Variants in SMYD4 observed in about 807,000 individuals in gnomAD.
SMYD4 encodes SET and MYND domain containing 4.
SMYD4 carries 68 observed loss-of-function variants against 72.8 expected under a neutral mutation model. The observed-to-expected ratio is 0.93, with a 90% CI of 0.77 to 1.14. The LOEUF (loss-of-function observed/expected upper bound fraction) is 1.14, where lower values mean the gene tolerates loss of function less well. SMYD4 is among the 50% of genes most tolerant of loss of function. The pLI is 0.00. For missense variants in SMYD4, 984 were observed against 1,003.7 expected, an observed-to-expected ratio of 0.98 and a Z score of 0.27; for synonymous variants, 407 against 388.6, an observed-to-expected ratio of 1.05 and a Z score of -0.56.
At chr17:1,813,836 T>C (rs1363043426) in intron 2 of SMYD4, among the ~76,000 whole-genome samples, 1 of 151,586 alleles carries the variant, frequency 6.6e-6, no homozygotes, top group Non-Finnish European at 1.5e-5. Context: ...TAGAGACATA[T>C]ACACATACTA....
chr17:1,812,109 C>T lies in SMYD4; in HGVS notation c.141G>A (p.Glu47=). ...AAAGTCTTTTTAGAAACAGCTCATC[C>T]TCAGGTCTGCATGAAGAAAGGAGGA... ...FLHSSSLLQP[E]DELFLKRLSK... Residue 47 remains glutamate (E), a synonymous_variant, in exon 3 of 11, where the codon GAG becomes GAA. Coordinates refer to ENST00000305513, the MANE Select transcript of SMYD4 (RefSeq NM_052928.3). The T allele has an allele frequency of 6.2e-7, 1 of 1,613,692 alleles. No individual in the cohort carries two copies. The highest frequency in any genetic ancestry group is 8.5e-7 in the Non-Finnish European group (1 of 1,179,936).
At chr17:1,790,608 C>T (rs1458398178) in intron 5 of SMYD4, among the ~76,000 whole-genome samples, 4 of 152,202 alleles carry the variant, frequency 2.6e-5, no homozygotes, top group South Asian at 4.1e-4. Flanking sequence ...CCTCCGCCTC[C>T]TGGGTTCAAG....
chr17:1,794,008 T>C (rs1220439231), intron 5 of SMYD4, among the ~76,000 whole-genome samples: 1 of 32,904 alleles, frequency 3.0e-5, no homozygotes, highest in Non-Finnish European at 1.0e-4. Context: ...TATATATATG[T>C]ATATATATAT....
At chr17:1,781,675 C>CT (rs887814604) in intron 10 of SMYD4, 2,465 of 184,268 alleles carry the variant, frequency 0.013, 18 homozygotes, top group African/African-American at 0.027. Flanking sequence ...AATCTCAAAG[C>CT]TTTTTTTTTT....
intron 5 of SMYD4, among the ~76,000 whole-genome samples, chr17:1,794,415 G>C (rs769279626): frequency 6.6e-6 from 1 of 151,022 alleles, no homozygotes; most frequent in Non-Finnish European, 1.5e-5. Context: ...CAACACGCCC[G>C]GCCATCCTTT....
rs747940384 is a variant in SMYD4 at position 1,827,988 on chromosome 17, G to A, written c.7C>T (p.Leu3=). 1 of 1,609,168 alleles carries A rather than the reference G, an allele frequency of 6.2e-7. No homozygotes were observed. The highest frequency in any genetic ancestry group is 1.1e-5 in the South Asian group (1 of 90,924). The part of the protein sequence containing the change: MD[L]PVDEWKSYLL... ...TATGATTTCCATTCATCCACAGGCA[G>A]ATCCATGCTGCTTTTGATCTATAAA... The change falls in exon 2 of 11, where the codon CTG becomes TTG. Residue 3 remains leucine (L), a synonymous_variant. Coordinates refer to ENST00000305513, the MANE Select transcript of SMYD4 (RefSeq NM_052928.3).
At chr17:1,796,194 G>T (rs756452280) in intron 5 of SMYD4, among the ~76,000 whole-genome samples, 4 of 151,300 alleles carry the variant, frequency 2.6e-5, no homozygotes, top group Non-Finnish European at 5.9e-5. Context: ...GTGCAGTGGC[G>T]CAACTCATGT....
chr17:1,823,941 T>C (rs779552867), intron 2 of SMYD4, among the ~76,000 whole-genome samples: 97 of 152,292 alleles, frequency 6.4e-4, no homozygotes, highest in Non-Finnish European at 1.1e-3. Flanking sequence ...GAATACAACC[T>C]AGCCTGAAAA....
rs1307271906 is a variant in SMYD4, at chr17:1,783,271, G to A, written c.2137+89C>T. On this transcript the variant is annotated intron_variant, in intron 9 of 10. Coordinates refer to ENST00000305513, the MANE Select transcript of SMYD4 (RefSeq NM_052928.3). ...GGGAGCACCCTCAGTTTACAGAGCG[G>A]GGGGTAACCAGGCAGACAAGGCCGG... 6 of 1,610,174 alleles carry A rather than the reference G, an allele frequency of 3.7e-6. No individual in the cohort carries two copies. The African/African-American group carries it at 5.3e-5, about 14-fold the overall frequency.
chr17:1,794,574 T>G (rs1200301148), intron 5 of SMYD4, among the ~76,000 whole-genome samples: 4 of 152,152 alleles, frequency 2.6e-5, no homozygotes, highest in African/African-American at 9.7e-5. Flanking sequence ...TACCTTTAAC[T>G]AGATAATTGA....
Position 1,800,164 on chromosome 17 carries a change from AG to A in SMYD4, c.1229del (p.Pro410LeufsTer45). 1 of 1,610,820 alleles carries A rather than the reference AG, an allele frequency of 6.2e-7. No homozygotes were observed. The highest frequency in any genetic ancestry group is 8.5e-7 in the Non-Finnish European group (1 of 1,177,860). ...CATACTTCCCATTAATATCGCATCCAGGAATTGGGGTCTCAACGATGTTGCC... is the reference window on the plus strand; with the variant it reads ...CATACTTCCCATTAATATCGCATCCAGAATTGGGGTCTCAACGATGTTGCC... ...KNGNIVETPI[P>X]GCDINGKYEN... On this transcript the variant is annotated frameshift_variant, in exon 5 of 11. Transcript: ENST00000305513. LOFTEE classifies it high-confidence loss of function.
intron 2 of SMYD4, among the ~76,000 whole-genome samples, chr17:1,817,087 C>T (rs768319572): frequency 6.7e-6 from 1 of 150,030 alleles, no homozygotes; most frequent in Admixed American, 6.6e-5. Flanking sequence ...CTCTGTCGCC[C>T]AGGCAGAAGT....
intron 3 of SMYD4, among the ~76,000 whole-genome samples, chr17:1,811,278 C>A (rs900442869): frequency 1.3e-5 from 2 of 152,152 alleles, no homozygotes; most frequent in African/African-American, 4.8e-5. Context: ...GCACGCCCTG[C>A]GAGGGGAACA....
intron 9 of SMYD4, 35 bp from the exon 10 acceptor site, chr17:1,783,193 AC>A (rs749208103): frequency 4.3e-6 from 7 of 1,613,722 alleles, no homozygotes; most frequent in Non-Finnish European, 5.9e-6. Flanking sequence ...CCAGAAAAGA[AC>A]CACTGTCAAC....
Position 1,809,381 on chromosome 17 carries a change from A to AT in SMYD4, c.279+2589dup, listed in dbSNP as rs1016469554. On this transcript the variant is annotated intron_variant, in intron 3 of 10. Transcript: ENST00000305513. The stretch of plus-strand genomic sequence containing the variant: ...TATTATTATTGTTATTATTATTATT[A>AT]TTTTTTTTTTTGAGACAGAGTCTTG... Among the ~76,000 whole-genome samples the AT allele has an allele frequency of 9.6e-3, 1,077 of 111,658 alleles. 11 individuals carry two copies. The highest frequency in any genetic ancestry group is 0.021 in the African/African-American group (809 of 38,336). The allele number at this position is 111,658 out of a possible 152,430, so 73.3% of individuals were successfully genotyped here.
rs1908279598 is a variant in SMYD4 at position 1,779,853 on chromosome 17, G to A, written c.*1433C>T. The A allele has an allele frequency of 6.6e-6, 1 of 152,596 alleles. No homozygotes were observed. Among genetic ancestry groups the A allele is most frequent in the Non-Finnish European group, 1.5e-5 (1 of 68,026 alleles). 9.5% of individuals were successfully genotyped at this position (152,596 alleles called of 1,614,324 possible). A position where few individuals can be genotyped will look rare whatever the true frequency, so the allele number is the denominator to read the frequency against. ...TTTTTAATTACAATGTAACTACTAA[G>A]AGCTTCAGTTCCCACTGGAGTGGTG... On this transcript the variant is annotated 3_prime_UTR_variant, in exon 11 of 11. Coordinates refer to ENST00000305513, the MANE Select transcript of SMYD4 (RefSeq NM_052928.3).
intron 2 of SMYD4, among the ~76,000 whole-genome samples, chr17:1,816,680 G>A (rs1300786654): frequency 6.6e-6 from 1 of 150,958 alleles, no homozygotes; most frequent in African/African-American, 2.4e-5. Flanking sequence ...AGGCTGGAGG[G>A]CAGTAGCTAT....
chr17:1,810,988 T>C (rs1228605489), intron 3 of SMYD4, among the ~76,000 whole-genome samples: 3 of 152,210 alleles, frequency 2.0e-5, no homozygotes, highest in Non-Finnish European at 4.4e-5. Context: ...AAAGCCCACG[T>C]GTGATCCGAT....
rs1597379819 is a variant in SMYD4 at position 1,800,508 on chromosome 17, A to G, written c.886T>C (p.Cys296Arg). ...AAAGTGTGCTTCAAACATCGGTGAC[A>G]ATAGAGGTCCCCATTGGTGACTCTG... ...DTRVTNGDLY[C>R]HRCLKHTLAT... Residue 296 changes from cysteine to arginine, a missense_variant, in exon 5 of 11, where the codon TGT becomes CGT. Coordinates refer to ENST00000305513, the MANE Select transcript of SMYD4 (RefSeq NM_052928.3). 3 of 1,614,192 alleles carry G rather than the reference A, an allele frequency of 1.9e-6. No individual in the cohort carries two copies. Among genetic ancestry groups the G allele is most frequent in the Non-Finnish European group, 2.5e-6 (3 of 1,180,028 alleles).
Sources: allele counts gnomAD v4.1 joint callset (sites outside exome capture counted in the v4.1 genomes callset), GRCh38; gene constraint gnomAD v4.1.1; transcripts MANE v1.5; gene names NCBI Gene and HGNC (gene_info 2026-07-23, HGNC 2026-07-21).